Variants in TMCC3 observed in about 807,000 individuals in gnomAD.
TMCC3 encodes the protein transmembrane and coiled-coil domain protein 3.
TMCC3 carries 28 observed loss-of-function variants against 40.2 expected under a neutral mutation model. That is an observed-to-expected ratio of 0.70 (90% CI 0.52 to 0.95). The LOEUF is 0.95. Among genes scored for constraint, TMCC3 ranks in the 40% least tolerant of loss-of-function variants. The pLI is 0.00. For synonymous variants in TMCC3, 255 were observed against 248.5 expected (o/e 1.03, Z -0.25); for missense variants, 554 against 615.2 (o/e 0.90, Z 1.05).
At chr12:94,609,864 T>C (rs2068805008) in intron 1 of TMCC3, 1 of 152,202 alleles carries the variant, frequency 6.6e-6, no homozygotes, top group Non-Finnish European at 1.5e-5. Context: ...AGTTTCTGGC[T>C]ATAGATGAGG....
intron 1 of TMCC3, chr12:94,591,013 G>T: frequency 1.8e-6 from 1 of 553,302 alleles, no homozygotes; most frequent in Non-Finnish European, 3.6e-6. Context: ...GACTACTATA[G>T]AAATTGATGA....
intron 1 of TMCC3, among the ~76,000 whole-genome samples, chr12:94,624,151 G>A (rs1456199773): frequency 1.3e-5 from 2 of 152,200 alleles, no homozygotes; most frequent in Non-Finnish European, 2.9e-5. Context: ...GTGAGGATGT[G>A]GAGAAATCAG....
intron 1 of TMCC3, among the ~76,000 whole-genome samples, chr12:94,603,536 A>G (rs2138852428): frequency 6.6e-6 from 1 of 151,876 alleles, no homozygotes; most frequent in East Asian, 1.9e-4. Context: ...TGTAATACTT[A>G]ATGAAAGAAG....
chr12:94,600,085 T>C (rs187689939), intron 1 of TMCC3, among the ~76,000 whole-genome samples: 99 of 152,216 alleles, frequency 6.5e-4, no homozygotes, highest in African/African-American at 2.3e-3. Flanking sequence ...TGAATGAATA[T>C]GAATTATGCT....
intron 1 of TMCC3, chr12:94,615,781 G>A (rs2068844415): frequency 2.9e-6 from 1 of 349,408 alleles, no homozygotes; most frequent in African/African-American, 2.2e-5. Context: ...GAGGGATTTG[G>A]GCAAGCACAA....
intron 1 of TMCC3, among the ~76,000 whole-genome samples, chr12:94,603,828 T>C (rs138467128): frequency 3.5e-4 from 54 of 152,294 alleles, no homozygotes; most frequent in Middle Eastern, 3.4e-3. Flanking sequence ...ATGCAGGAGC[T>C]GTCAAAACTA....
chr12:94,607,060 C>A (rs567284443), intron 1 of TMCC3, among the ~76,000 whole-genome samples: 2 of 152,256 alleles, frequency 1.3e-5, no homozygotes, highest in African/African-American at 2.4e-5. Flanking sequence ...TTACAGACCT[C>A]CCCCCAGGAA....
At chr12:94,645,903 C>G (rs562629576) in intron 1 of TMCC3, among the ~76,000 whole-genome samples, 2 of 152,228 alleles carry the variant, frequency 1.3e-5, no homozygotes, top group East Asian at 3.9e-4. Context: ...AAGTGGTTAA[C>G]ATCTATTGAT....
chr12:94,643,017 C>T (rs537399173), intron 1 of TMCC3, among the ~76,000 whole-genome samples: 2 of 152,148 alleles, frequency 1.3e-5, no homozygotes, highest in Admixed American at 6.5e-5. Flanking sequence ...ATAGTGAAAC[C>T]CCGTCTCTAC....
At chr12:94,646,866 C>T (rs556154247) in intron 1 of TMCC3, among the ~76,000 whole-genome samples, 1 of 151,870 alleles carries the variant, frequency 6.6e-6, no homozygotes, top group South Asian at 2.1e-4. Context: ...AGGACCTTGC[C>T]CCAGTGGTCA....
chr12:94,628,201 GT>G (rs1300662816), intron 1 of TMCC3, among the ~76,000 whole-genome samples: 1 of 152,148 alleles, frequency 6.6e-6, no homozygotes, highest in African/African-American at 2.4e-5. Flanking sequence ...GGAGACATAG[GT>G]ACCACTAACC....
chr12:94,639,995 G>A (rs1004137633), intron 1 of TMCC3, among the ~76,000 whole-genome samples: 2 of 152,144 alleles, frequency 1.3e-5, no homozygotes, highest in African/African-American at 4.8e-5. Flanking sequence ...GATACATTAA[G>A]ACCAGGGTTT....
intron 1 of TMCC3, among the ~76,000 whole-genome samples, chr12:94,626,019 G>A (rs7979796): frequency 4.6e-5 from 7 of 152,190 alleles, no homozygotes; most frequent in African/African-American, 1.4e-4. Flanking sequence ...TTGACTCACA[G>A]TTCCGCATGG....
At chr12:94,586,417 G>A (rs1303543388) in intron 1 of TMCC3, among the ~76,000 whole-genome samples, 4 of 152,068 alleles carry the variant, frequency 2.6e-5, no homozygotes, top group Admixed American at 1.3e-4. Context: ...ACTTCAAACC[G>A]CATACATTAG....
intron 3 of TMCC3, among the ~76,000 whole-genome samples, chr12:94,572,039 C>CA (rs2068532943): frequency 5.3e-5 from 8 of 152,100 alleles, no homozygotes; most frequent in Non-Finnish European, 1.2e-4. Flanking sequence ...CTTGCTCTGT[C>CA]GCCAGGCTGG....
chr12:94,576,524 C>T (rs1321435748), intron 3 of TMCC3, among the ~76,000 whole-genome samples: 1 of 152,116 alleles, frequency 6.6e-6, no homozygotes, highest in African/African-American at 2.4e-5. Flanking sequence ...CTGTCACCCC[C>T]CAGGCTGGAG....
chr12:94,599,652 T>TA (rs2068740987), intron 1 of TMCC3, among the ~76,000 whole-genome samples: 2 of 151,536 alleles, frequency 1.3e-5, no homozygotes, highest in Non-Finnish European at 2.9e-5. Flanking sequence ...GTACTTTATG[T>TA]AAAATAACTA....
At chr12:94,631,625 T>C (rs972488256) in intron 1 of TMCC3, among the ~76,000 whole-genome samples, 1 of 152,174 alleles carries the variant, frequency 6.6e-6, no homozygotes, top group Admixed American at 6.6e-5. Context: ...AATAAATGTA[T>C]TGTTTAAGCT....
At chr12:94,608,896 G>A (rs2068799032) in intron 1 of TMCC3, among the ~76,000 whole-genome samples, 1 of 152,084 alleles carries the variant, frequency 6.6e-6, no homozygotes, top group Admixed American at 6.5e-5. Flanking sequence ...TTTATTTCTA[G>A]TTCTCACCTC....
Sources: allele counts gnomAD v4.1 joint callset (sites outside exome capture counted in the v4.1 genomes callset), GRCh38; gene constraint gnomAD v4.1.1; transcripts MANE v1.5; gene names NCBI Gene and HGNC (gene_info 2026-07-23, HGNC 2026-07-21).